Variants in JAKMIP1 observed in about 807,000 individuals in gnomAD.
JAKMIP1 encodes janus kinase and microtubule interacting protein 1.
Under a neutral mutation model 113.0 loss-of-function variants are expected in JAKMIP1, and 33 were observed. The observed-to-expected ratio is 0.29, with a 90% CI of 0.22 to 0.39. The LOEUF is 0.39. JAKMIP1 is among the 10% of genes least tolerant of loss of function. The probability of loss-of-function intolerance (pLI) is 1.00; values close to 1 mark genes in which losing one functional copy is unlikely to be tolerated. For synonymous variants in JAKMIP1, 480 were observed against 459.9 expected, an observed-to-expected ratio of 1.04 and a Z score of -0.56; for missense variants, 813 against 1,080.5, an observed-to-expected ratio of 0.75 and a Z score of 3.47.
rs1578482208 is a variant in JAKMIP1 at position 6,179,220 on chromosome 4, T to C, written c.-148+21033A>G. Among the ~76,000 whole-genome samples the C allele has an allele frequency of 6.6e-6, 1 of 152,098 alleles. No individual in the cohort carries two copies. Among genetic ancestry groups the C allele is most frequent in the African/African-American group, 2.4e-5 (1 of 41,396 alleles). On this transcript the variant is annotated intron_variant, in intron 1 of 20. Transcript: ENST00000409021. The surrounding 1 kb of genome is among the most constrained non-coding windows in gnomAD (Gnocchi z 4.5). The stretch of plus-strand genomic sequence containing the variant: ...CAGCCCTATGTGGCTGGAGAGAGGG[T>C]GAGATTCTCATCTCAAAGCCCCAGA...
At chr4:6,189,655 G>T (rs1474239960) in intron 1 of JAKMIP1, among the ~76,000 whole-genome samples, 1 of 152,216 alleles carries the variant, frequency 6.6e-6, no homozygotes, top group Non-Finnish European at 1.5e-5. Context: ...TCTAATGGAG[G>T]AGTCAGACAA....
chr4:6,054,893 C>T lies in JAKMIP1; in HGVS notation c.1708-745G>A, dbSNP rs181808040. 194 of 456,228 alleles carry T rather than the reference C, an allele frequency of 4.3e-4. 1 individual carries two copies. In the East Asian group the frequency reaches 8.6e-3, roughly 20 times the overall value. 28.3% of individuals were successfully genotyped at this position (456,228 alleles called of 1,614,324 possible). ...AGGGGGGCCCTCTGCCAGGTGATCC[C>T]ACCCCCGGGAGACCTTTAGAAATGG... On this transcript the variant is annotated intron_variant, in intron 12 of 20. Transcript: ENST00000409021.
At chr4:6,098,675 A>C (rs1712384375) in intron 3 of JAKMIP1, among the ~76,000 whole-genome samples, 1 of 6,376 alleles carries the variant, frequency 1.6e-4, no homozygotes. Flanking sequence ...AGAGAGAGAA[A>C]GAAAGAAAGA....
intron 16 of JAKMIP1, among the ~76,000 whole-genome samples, chr4:6,046,791 C>T (rs370133754): frequency 1.1e-4 from 16 of 152,238 alleles, no homozygotes; most frequent in East Asian, 5.8e-4. Context: ...GTGGGTCGGG[C>T]GTGGGGAGGG....
At position 6,050,535 on chromosome 4, in the gene JAKMIP1, C is replaced by G; in HGVS notation, c.1908+43G>C. The stretch of plus-strand genomic sequence containing the variant: ...GCAGCTGAGCCGGGCACTGAGCGAG[C>G]CCTTGGCTGGCATTCAGCAGAGGCA... On this transcript the variant is annotated intron_variant, in intron 14 of 20. Transcript: ENST00000409021. The surrounding 1 kb of genome is among the most constrained non-coding windows in gnomAD (Gnocchi z 7.4). 1 of 1,416,468 alleles carries G rather than the reference C, an allele frequency of 7.1e-7. No homozygotes were observed. Among genetic ancestry groups the G allele is most frequent in the Non-Finnish European group, 9.8e-7 (1 of 1,025,466 alleles). 87.7% of individuals were successfully genotyped at this position (1,416,468 alleles called of 1,614,324 possible). A position where few individuals can be genotyped will look rare whatever the true frequency, so the allele number is the denominator to read the frequency against.
At chr4:6,032,667 CAAA>C (rs1712877572) in intron 19 of JAKMIP1, among the ~76,000 whole-genome samples, 2 of 49,708 alleles carry the variant, frequency 4.0e-5, no homozygotes, top group South Asian at 4.4e-4. Flanking sequence ...CAACACAAAA[CAAA>C]ACAAAACAAA....
chr4:6,101,732 C>CAAAAAAAAAAAAAAAA (rs56084278), intron 3 of JAKMIP1, among the ~76,000 whole-genome samples: 2 of 96,594 alleles, frequency 2.1e-5, no homozygotes, highest in African/African-American at 4.1e-5. Flanking sequence ...ACTAAAAATA[C>CAAAAAAAAAAAAAAAA]AAAAAAAAAA....
At chr4:6,100,742 T>C (rs1420497079) in intron 3 of JAKMIP1, among the ~76,000 whole-genome samples, 2 of 152,146 alleles carry the variant, frequency 1.3e-5, no homozygotes, top group Non-Finnish European at 2.9e-5. Flanking sequence ...TTTACTATTG[T>C]CTGTTTTTTT....
chr4:6,123,568 C>G (rs115107538), intron 1 of JAKMIP1, among the ~76,000 whole-genome samples: 2,602 of 152,282 alleles, frequency 0.017, 76 homozygotes, highest in African/African-American at 0.06. Context: ...AGCCTCTAAT[C>G]CCAGCACTCT....
In JAKMIP1 at chr4:6,168,123, A is replaced by C. The variant is rs1487094691; in HGVS notation, c.-148+32130T>G. Among the ~76,000 whole-genome samples the C allele has an allele frequency of 6.6e-6, 1 of 152,202 alleles. No individual in the cohort carries two copies. The highest frequency in any genetic ancestry group is 2.4e-5 in the African/African-American group (1 of 41,452). ...CACACCACCCAGGACGGCTGCAATC[A>C]AAAAAGCGCACAACAACAAGTGTGG... On this transcript the variant is annotated intron_variant, in intron 1 of 20. Transcript: ENST00000409021. This position sits in a 1 kb window ranked among gnomAD's most constrained non-coding sequence, Gnocchi z 4.6.
In JAKMIP1 at chr4:6,042,080, A is replaced by G; in HGVS notation, c.2097+79T>C. ...TGCATGCAAATCATTAGGAAAACAC[A>G]TGCAAAGCCTTCCTGCAAATCAACC... is the stretch of plus-strand genomic sequence containing the variant. On this transcript the variant is annotated intron_variant, in intron 17 of 20. Transcript: ENST00000409021. The surrounding 1 kb of genome is among the most constrained non-coding windows in gnomAD (Gnocchi z 5.2). The G allele has an allele frequency of 8.5e-7, 1 of 1,178,450 alleles. No homozygotes were observed. The highest frequency in any genetic ancestry group is 1.3e-6 in the Non-Finnish European group (1 of 793,478). The allele number at this position is 1,178,450 out of a possible 1,614,324, so 73.0% of individuals were successfully genotyped here. A position where few individuals can be genotyped will look rare whatever the true frequency, so the allele number is the denominator to read the frequency against.
At chr4:6,035,625 C>T (rs912584892) in intron 19 of JAKMIP1, among the ~76,000 whole-genome samples, 4 of 152,332 alleles carry the variant, frequency 2.6e-5, no homozygotes, top group South Asian at 2.1e-4. Context: ...CTGGAAACAG[C>T]GTGCAGATGC....
In JAKMIP1 at chr4:6,150,791, C is replaced by G. The variant is rs1216479816; in HGVS notation, c.-147-37794G>C. Among the ~76,000 whole-genome samples, 1 of 152,164 alleles carries G rather than the reference C, an allele frequency of 6.6e-6. No homozygotes were observed. Among genetic ancestry groups the G allele is most frequent in the Admixed American group, 6.5e-5 (1 of 15,274 alleles). On this transcript the variant is annotated intron_variant, in intron 1 of 20. Coordinates refer to ENST00000409021, the MANE Select transcript of JAKMIP1 (RefSeq NM_001099433.2). This position sits in a 1 kb window ranked among gnomAD's most constrained non-coding sequence, Gnocchi z 4.8. ...CTAGACCATGGCGGGAAGAAGAAAA[C>G]AGGCAAGAAATTTCCGCATCCCAGC...
chr4:6,078,887 C>G, intron 8 of JAKMIP1, 52 bp downstream of exon 8: 1 of 1,594,404 alleles, frequency 6.3e-7, no homozygotes, highest in African/African-American at 1.3e-5. Flanking sequence ...ATCTGCCCTG[C>G]AGATCCGTGA....
In JAKMIP1 at chr4:6,153,172, T is replaced by G. The variant is rs1721820338; in HGVS notation, c.-147-40175A>C. On this transcript the variant is annotated intron_variant, in intron 1 of 20. Transcript: ENST00000409021. This position sits in a 1 kb window ranked among gnomAD's most constrained non-coding sequence, Gnocchi z 4.9. Reference sequence around the variant, plus strand: ...AAAATCAAGCTCTACCAGACTCTCCTGGCATCCAGCTCACCAGAGGCCAAC... The same window carrying G: ...AAAATCAAGCTCTACCAGACTCTCCGGGCATCCAGCTCACCAGAGGCCAAC... Among the ~76,000 whole-genome samples the G allele has an allele frequency of 6.6e-6, 1 of 152,122 alleles. No homozygotes were observed. Among genetic ancestry groups the G allele is most frequent in the South Asian group, 2.1e-4 (1 of 4,822 alleles).
rs568084907 is a variant in JAKMIP1, at chr4:6,181,186, A to T, written c.-148+19067T>A. Among the ~76,000 whole-genome samples, 1 of 152,276 alleles carries T rather than the reference A, an allele frequency of 6.6e-6. No individual in the cohort carries two copies. Among genetic ancestry groups the T allele is most frequent in the Admixed American group, 6.5e-5 (1 of 15,304 alleles). On this transcript the variant is annotated intron_variant, in intron 1 of 20. Coordinates refer to ENST00000409021, the MANE Select transcript of JAKMIP1 (RefSeq NM_001099433.2). This position sits in a 1 kb window ranked among gnomAD's most constrained non-coding sequence, Gnocchi z 5.4. ...ACAGGGCGCTCCTTGACAGACACCT[A>T]CCAAACACCTCCTGTGTGCACAAGG...
In JAKMIP1 at chr4:6,044,276, AC is replaced by A. The variant is rs553730910; in HGVS notation, c.2029-2050del. Among the ~76,000 whole-genome samples, 39 of 152,132 alleles carry A rather than the reference AC, an allele frequency of 2.6e-4. No individual in the cohort carries two copies. The highest frequency in any genetic ancestry group is 4.9e-4 in the Non-Finnish European group (33 of 68,022). ...CTCCTGTTGGACTTCCTTGCCTGGC[AC>A]AGGGCTTGACACAAGCAGGTGCCTA... On this transcript the variant is annotated intron_variant, in intron 16 of 20. Coordinates refer to ENST00000409021, the MANE Select transcript of JAKMIP1 (RefSeq NM_001099433.2). The surrounding 1 kb of genome is among the most constrained non-coding windows in gnomAD (Gnocchi z 4.4).
In JAKMIP1 at chr4:6,042,655, A is replaced by T. The variant is rs930378785; in HGVS notation, c.2029-428T>A. On this transcript the variant is annotated intron_variant, in intron 16 of 20. Coordinates refer to ENST00000409021, the MANE Select transcript of JAKMIP1 (RefSeq NM_001099433.2). This position sits in a 1 kb window ranked among gnomAD's most constrained non-coding sequence, Gnocchi z 5.2. ...TCACCCCTATTTTGCAGGTAAAGAC[A>T]TGGAGGCTGAGTTAAGTAACTTGTC... Among the ~76,000 whole-genome samples, 2 of 151,982 alleles carry T rather than the reference A, an allele frequency of 1.3e-5. No homozygotes were observed. Among genetic ancestry groups the T allele is most frequent in the African/African-American group, 4.8e-5 (2 of 41,390 alleles).
chr4:6,104,471 T>C (rs1713579347), intron 3 of JAKMIP1, among the ~76,000 whole-genome samples: 1 of 152,278 alleles, frequency 6.6e-6, no homozygotes, highest in Non-Finnish European at 1.5e-5. Context: ...CCTTTGACAT[T>C]AATACAGCCA....
Sources: allele counts gnomAD v4.1 joint callset (sites outside exome capture counted in the v4.1 genomes callset), GRCh38; gene constraint gnomAD v4.1.1; non-coding constraint Gnocchi (gnomAD v3.1); transcripts MANE v1.5; gene names NCBI Gene and HGNC (gene_info 2026-07-23, HGNC 2026-07-21).